PLD5: variants seen among roughly 807,000 people sequenced by gnomAD.
PLD5 encodes phospholipase D family member 5.
In PLD5, 36 loss-of-function variants were observed where a neutral mutation model predicts 61.1. That is an observed-to-expected ratio of 0.59 (90% CI 0.45 to 0.78). The LOEUF (loss-of-function observed/expected upper bound fraction) is 0.78. Ranked by LOEUF, PLD5 falls within the 30% of genes least tolerant of loss-of-function variation. The probability of loss-of-function intolerance (pLI) is 0.00; values close to 1 mark genes in which losing one functional copy is unlikely to be tolerated. For missense variants in PLD5, 515 were observed against 644.4 expected, an observed-to-expected ratio of 0.80 and a Z score of 2.17; for synonymous variants, 243 against 242.8, an observed-to-expected ratio of 1.00 and a Z score of -0.01.
At chr1:242,215,995 C>T (rs1670168596) in intron 5 of PLD5, among the ~76,000 whole-genome samples, 1 of 152,212 alleles carries the variant, frequency 6.6e-6, no homozygotes, top group South Asian at 2.1e-4. Flanking sequence ...ACTCCCTTCC[C>T]CGCTTCTAAC....
intron 6 of PLD5, among the ~76,000 whole-genome samples, chr1:242,115,625 G>T (rs1661883902): frequency 6.7e-6 from 1 of 150,192 alleles, no homozygotes; most frequent in Non-Finnish European, 1.5e-5. Flanking sequence ...ATGTGATGAT[G>T]TGGGCATAAA....
At chr1:242,438,399 G>T (rs557342061) in intron 1 of PLD5, among the ~76,000 whole-genome samples, 35 of 150,326 alleles carry the variant, frequency 2.3e-4, no homozygotes, top group Middle Eastern at 7.0e-3. Flanking sequence ...AAATAGCTGG[G>T]ACTACAGGCC....
intron 2 of PLD5, among the ~76,000 whole-genome samples, chr1:242,333,559 C>G (rs1659322818): frequency 6.6e-6 from 1 of 152,032 alleles, no homozygotes; most frequent in Non-Finnish European, 1.5e-5. Flanking sequence ...GTTTCTTTTT[C>G]TAAAAACAAC....
chr1:242,497,075 G>A (rs1380584058), intron 1 of PLD5, among the ~76,000 whole-genome samples: 1 of 152,172 alleles, frequency 6.6e-6, no homozygotes, highest in East Asian at 1.9e-4. Context: ...TACAAATCCA[G>A]GAGCTGCCTA....
chr1:242,403,776 A>T (rs936344215), intron 1 of PLD5, among the ~76,000 whole-genome samples: 3 of 152,068 alleles, frequency 2.0e-5, no homozygotes, highest in African/African-American at 7.2e-5. Context: ...CCTGGGTGTG[A>T]ATGAGCCCCA....
intron 1 of PLD5, among the ~76,000 whole-genome samples, chr1:242,385,555 C>T (rs558552677): frequency 6.6e-5 from 10 of 152,216 alleles, no homozygotes; most frequent in African/African-American, 2.2e-4. Context: ...GCGATGGCTC[C>T]CTAGTCCCAC....
chr1:242,292,533 A>G (rs894429513), intron 2 of PLD5, among the ~76,000 whole-genome samples: 28 of 152,296 alleles, frequency 1.8e-4, no homozygotes, highest in South Asian at 4.1e-4. Context: ...ACGATTCCCA[A>G]TCTTTTTTGG....
At chr1:242,133,786 G>C (rs1207746314) in intron 5 of PLD5, among the ~76,000 whole-genome samples, 2 of 152,160 alleles carry the variant, frequency 1.3e-5, no homozygotes, top group Non-Finnish European at 2.9e-5. Flanking sequence ...AAAATCAACA[G>C]ATAAAACCTT....
chr1:242,154,472 T>C (rs1351409738), intron 5 of PLD5, among the ~76,000 whole-genome samples: 1 of 152,214 alleles, frequency 6.6e-6, no homozygotes, highest in Non-Finnish European at 1.5e-5. Context: ...TGATATTGGC[T>C]GTGGGTTTGT....
intron 1 of PLD5, among the ~76,000 whole-genome samples, chr1:242,364,303 T>C (rs535593684): frequency 1.6e-4 from 25 of 152,372 alleles, no homozygotes; most frequent in South Asian, 1.0e-3. Context: ...CCAGCTTCAC[T>C]GAACTCACAT....
At chr1:242,426,771 C>T (rs996336833) in intron 1 of PLD5, among the ~76,000 whole-genome samples, 4 of 152,224 alleles carry the variant, frequency 2.6e-5, no homozygotes, top group African/African-American at 9.6e-5. Flanking sequence ...GGGGCAGAGA[C>T]TAATTGTTGA....
chr1:242,233,069 G>A (rs765607434), intron 4 of PLD5, among the ~76,000 whole-genome samples: 4 of 151,754 alleles, frequency 2.6e-5, no homozygotes, highest in South Asian at 2.1e-4. Flanking sequence ...CAGAAGAATC[G>A]CTTGAACCCG....
chr1:242,097,817 T>C (rs1316626528), intron 9 of PLD5, among the ~76,000 whole-genome samples: 3 of 152,240 alleles, frequency 2.0e-5, no homozygotes, highest in Admixed American at 1.3e-4. Context: ...ATGAAGTCCT[T>C]GCCCATGCCT....
rs561712099 is a variant in PLD5, at chr1:242,425,369, T to A, written c.190-77127A>T. Among the ~76,000 whole-genome samples, 53 of 152,292 alleles carry A rather than the reference T, an allele frequency of 3.5e-4. 2 individuals are homozygous for A. The South Asian group carries it at 9.5e-3, about 27-fold the overall frequency. ...GAATTATAACACAATGGTAAGGATT[T>A]GTGTATCTAAACAAAGAAATAGTAC... On this transcript the variant is annotated intron_variant, in intron 1 of 9. Transcript: ENST00000536534.
intron 1 of PLD5, among the ~76,000 whole-genome samples, chr1:242,414,313 A>C (rs908249132): frequency 2.0e-5 from 3 of 152,208 alleles, no homozygotes; most frequent in Admixed American, 1.3e-4. Flanking sequence ...AAAATTTGAG[A>C]TTATTAAATC....
intron 4 of PLD5, among the ~76,000 whole-genome samples, chr1:242,258,214 G>A (rs1558404897): frequency 6.6e-6 from 1 of 152,092 alleles, no homozygotes; most frequent in Non-Finnish European, 1.5e-5. Context: ...TCCTATCACT[G>A]AATGCTCTAG....
intron 1 of PLD5, among the ~76,000 whole-genome samples, chr1:242,444,058 A>G (rs74736162): frequency 0.043 from 6,568 of 152,260 alleles, 186 homozygotes; most frequent in Admixed American, 0.084. Context: ...AACAGAACTC[A>G]TATTTGCTTA....
chr1:242,265,302 C>A (rs368465686), intron 4 of PLD5, 35 bp downstream of exon 4: 416 of 1,585,606 alleles, frequency 2.6e-4, no homozygotes, highest in Non-Finnish European at 3.5e-4. Context: ...AACAGAACAC[C>A]CAGCGGTAGA....
At chr1:242,227,503 T>G (rs1425771246) in intron 4 of PLD5, among the ~76,000 whole-genome samples, 2 of 152,100 alleles carry the variant, frequency 1.3e-5, no homozygotes, top group African/African-American at 4.8e-5. Context: ...TAGCTGGGAC[T>G]ACAGGCACAC....
Sources: allele counts gnomAD v4.1 joint callset (sites outside exome capture counted in the v4.1 genomes callset), GRCh38; gene constraint gnomAD v4.1.1; transcripts MANE v1.5; gene names NCBI Gene and HGNC (gene_info 2026-07-23, HGNC 2026-07-21).